The following IL1RAPL1 variants were observed in gnomAD, a reference collection of about 807,000 sequenced individuals.
IL1RAPL1 encodes the protein interleukin 1 receptor accessory protein like 1.
IL1RAPL1 carries 3 observed loss-of-function variants against 48.4 expected under a neutral mutation model. That is an observed-to-expected ratio of 0.06 (90% CI 0.03 to 0.16). The LOEUF (loss-of-function observed/expected upper bound fraction) is 0.16. Among genes scored for constraint, IL1RAPL1 ranks in the 10% least tolerant of loss-of-function variants. IL1RAPL1 has a pLI of 1.00. For missense variants in IL1RAPL1, 349 were observed against 530.6 expected (o/e 0.66, Z 3.36); for synonymous variants, 185 against 187.7 (o/e 0.99, Z 0.12).
chrX:29,890,949 CA>C (rs762736425), intron 6 of IL1RAPL1, among the ~76,000 whole-genome samples: 154 of 112,104 alleles, frequency 1.4e-3, no homozygotes, highest in Non-Finnish European at 2.2e-3. Flanking sequence ...CAGAGGTTCC[CA>C]AACCTGCTGT....
intron 2 of IL1RAPL1, among the ~76,000 whole-genome samples, chrX:29,264,272 A>G (rs1157944247): frequency 8.9e-6 from 1 of 111,825 alleles, no homozygotes; most frequent in Non-Finnish European, 1.9e-5. Context: ...AGAAGCAGAA[A>G]TGAGTGTTTC....
At chrX:28,628,459 C>T (rs1934365098) in intron 1 of IL1RAPL1, among the ~76,000 whole-genome samples, 1 of 112,124 alleles carries the variant, frequency 8.9e-6, no homozygotes, top group Non-Finnish European at 1.9e-5. Context: ...AATTTCCCTT[C>T]TGGGAGCAGC....
chrX:28,952,328 G>A (rs929582826), intron 2 of IL1RAPL1, among the ~76,000 whole-genome samples: 1 of 110,743 alleles, frequency 9.0e-6, no homozygotes, highest in South Asian at 3.7e-4. Context: ...TAATTAATGG[G>A]CATTTAAAAA....
intron 1 of IL1RAPL1, among the ~76,000 whole-genome samples, chrX:28,674,024 A>T (rs1569149647): frequency 1.8e-5 from 2 of 111,708 alleles, no homozygotes; most frequent in South Asian, 7.5e-4. Context: ...CAGTGTATTG[A>T]AGGTGCATTG....
At chrX:29,152,608 C>A (rs185548466) in intron 2 of IL1RAPL1, among the ~76,000 whole-genome samples, 14 of 111,931 alleles carry the variant, frequency 1.3e-4, no homozygotes, top group Non-Finnish European at 1.9e-5. Flanking sequence ...TTTTTGGACT[C>A]ATTGTCTGAC....
At chrX:29,891,607 C>A (rs1347557199) in intron 6 of IL1RAPL1, among the ~76,000 whole-genome samples, 2 of 111,158 alleles carry the variant, frequency 1.8e-5, no homozygotes, top group African/African-American at 6.5e-5. Flanking sequence ...CTGAGAGCTA[C>A]CTGAAAGATT....
intron 2 of IL1RAPL1, among the ~76,000 whole-genome samples, chrX:29,030,927 C>T (rs765780537): frequency 9.0e-6 from 1 of 110,557 alleles, no homozygotes; most frequent in Admixed American, 9.5e-5. Context: ...CATCATATTT[C>T]CCCCCCATTT....
chrX:29,045,029 G>A lies in IL1RAPL1; in HGVS notation c.83-237909G>A, dbSNP rs184768728. 3.8e-3 allele frequency among the ~76,000 whole-genome samples: 426 copies of A among 111,301 alleles called. 1 individual carries two copies. The highest frequency in any genetic ancestry group is 0.013 in the African/African-American group (412 of 30,627). On this transcript the variant is annotated intron_variant, in intron 2 of 10. Coordinates refer to ENST00000378993, the MANE Select transcript of IL1RAPL1 (RefSeq NM_014271.4). ...TATATAGGGATTGTTTTGCCCTCTA[G>A]AGGCAGCTCAATAGAAGGAGCATTC...
intron 2 of IL1RAPL1, among the ~76,000 whole-genome samples, chrX:28,940,544 G>A (rs1924140059): frequency 9.0e-6 from 1 of 110,750 alleles, no homozygotes; most frequent in African/African-American, 3.3e-5. Flanking sequence ...TATCAGAGAC[G>A]ATTTTCTTTC....
chrX:28,856,917 A>G (rs1921819447), intron 2 of IL1RAPL1, among the ~76,000 whole-genome samples: 1 of 112,486 alleles, frequency 8.9e-6, no homozygotes, highest in Non-Finnish European at 1.9e-5. Flanking sequence ...TGAAGAAAGC[A>G]TGGTGAAAGC....
chrX:29,810,440 G>A (rs1013550133), intron 6 of IL1RAPL1, among the ~76,000 whole-genome samples: 2 of 110,739 alleles, frequency 1.8e-5, no homozygotes, highest in African/African-American at 6.6e-5. Flanking sequence ...CCATCACCTC[G>A]GCCTCCCAAA....
At chrX:29,534,812 C>CA (rs754250690) in intron 5 of IL1RAPL1, among the ~76,000 whole-genome samples, 2 of 109,475 alleles carry the variant, frequency 1.8e-5, no homozygotes, top group African/African-American at 3.3e-5. Context: ...ACTAAAAATA[C>CA]AAAAAAATTA....
At chrX:28,821,089 TA>T (rs777492938) in intron 2 of IL1RAPL1, among the ~76,000 whole-genome samples, 42 of 111,419 alleles carry the variant, frequency 3.8e-4, no homozygotes, top group Admixed American at 3.4e-3. Flanking sequence ...TTAAAAGAAA[TA>T]TAACTAAAGC....
intron 2 of IL1RAPL1, among the ~76,000 whole-genome samples, chrX:28,836,336 T>TTTTATATATATA (rs1921206148): frequency 2.3e-5 from 2 of 85,331 alleles, no homozygotes; most frequent in African/African-American, 9.4e-5. Flanking sequence ...CTTCCCAATT[T>TTTTATATATATA]TATATATATA....
At chrX:29,103,452 C>A (rs992075923) in intron 2 of IL1RAPL1, among the ~76,000 whole-genome samples, 5 of 111,739 alleles carry the variant, frequency 4.5e-5, no homozygotes, top group African/African-American at 1.6e-4. Flanking sequence ...TCTATCTCGA[C>A]CATTTACAAA....
rs1933958214 is a variant in IL1RAPL1 at position 29,399,276 on chromosome X, T to C, written c.671T>C (p.Val224Ala). Residue 224 changes from valine to alanine, a missense_variant, in exon 5 of 11, where the codon GTT becomes GCT. Transcript: ENST00000378993. The part of the protein sequence containing the change: ...YTCELKYGGF[V>A]VRRTTELTVT... ...TGTGAATTAAAATATGGAGGCTTTGTTGTGAGAAGAACTACTGAATTAACT... is the reference window on the plus strand; with the variant it reads ...TGTGAATTAAAATATGGAGGCTTTGCTGTGAGAAGAACTACTGAATTAACT... 8.3e-7 allele frequency: 1 copy of C among 1,205,915 alleles called. No individual in the cohort carries two copies. The highest frequency in any genetic ancestry group is 1.1e-6 in the Non-Finnish European group (1 of 890,262).
intron 3 of IL1RAPL1, 38 bp downstream of exon 3, chrX:29,283,255 G>A (rs771751217): frequency 2.6e-6 from 3 of 1,174,908 alleles, no homozygotes; most frequent in East Asian, 3.0e-5. Context: ...ATCAAAGAAA[G>A]CACAGGCTGC....
At chrX:29,154,891 T>C (rs1296923074) in intron 2 of IL1RAPL1, among the ~76,000 whole-genome samples, 1 of 112,075 alleles carries the variant, frequency 8.9e-6, no homozygotes, top group African/African-American at 3.2e-5. Context: ...ACAATATTGA[T>C]ACTTAGTACC....
chrX:29,657,582 C>G (rs750615542), intron 5 of IL1RAPL1, among the ~76,000 whole-genome samples: 3 of 112,184 alleles, frequency 2.7e-5, no homozygotes. Context: ...TTAAAATGTT[C>G]TGACTTTCGC....
Sources: allele counts gnomAD v4.1 joint callset (sites outside exome capture counted in the v4.1 genomes callset), GRCh38; gene constraint gnomAD v4.1.1; transcripts MANE v1.5; gene names NCBI Gene and HGNC (gene_info 2026-07-23, HGNC 2026-07-21).